ANXA11: variants seen among roughly 807,000 people sequenced by gnomAD.
ANXA11 encodes 56 kDa autoantigen.
ANXA11 carries 57 observed loss-of-function variants against 64.7 expected under a neutral mutation model. The observed-to-expected ratio is 0.88, with a 90% confidence interval of 0.71 to 1.10. ANXA11 has a LOEUF of 1.10. ANXA11 is among the 50% of genes least tolerant of loss of function. The pLI is 0.00. For missense variants in ANXA11, 675 were observed against 670.7 expected (o/e 1.01, Z -0.07); for synonymous variants, 260 against 265.2 (o/e 0.98, Z 0.19).
intron 9 of ANXA11, 53 bp downstream of exon 9, chr10:80,164,000 A>G: frequency 4.0e-6 from 6 of 1,486,434 alleles, no homozygotes; most frequent in Non-Finnish European, 5.6e-6. Flanking sequence ...CAGCCCCAAG[A>G]GCACAGGGAT....
In ANXA11 at chr10:80,167,347, T is replaced by C. The variant is rs772856654; in HGVS notation, c.562-34A>G. 5 of 1,595,570 alleles carry C rather than the reference T, an allele frequency of 3.1e-6. No individual in the cohort carries two copies. The South Asian group carries it at 3.3e-5, about 11-fold the overall frequency. On this transcript the variant is annotated intron_variant, in intron 5 of 15. Transcript: ENST00000422982. ...ACAAACAGTCTCAGGTAAGATGTCG[T>C]GCATGCCGCCTTCCCCACATTCAAG... is the stretch of plus-strand genomic sequence containing the variant.
At chr10:80,156,180 T>C (rs1487737588) in intron 15 of ANXA11, among the ~76,000 whole-genome samples, 3 of 152,208 alleles carry the variant, frequency 2.0e-5, no homozygotes, top group Non-Finnish European at 2.9e-5. Flanking sequence ...ATAATCATCC[T>C]AAAAACCACT....
At position 80,166,874 on chromosome 10, in the gene ANXA11, C is replaced by G. The variant is rs1456244946; in HGVS notation, c.744+16G>C. Reference sequence around the variant, plus strand: ...GGACACGCCTCACTGTCCCGCGCCCCCACCCCGCAGCTCGCCTTGCCGTAA... The same window carrying G: ...GGACACGCCTCACTGTCCCGCGCCCGCACCCCGCAGCTCGCCTTGCCGTAA... On this transcript the variant is annotated intron_variant, in intron 7 of 15. Coordinates refer to ENST00000422982, the MANE Select transcript of ANXA11 (RefSeq NM_145868.2). 5 of 1,592,380 alleles carry G rather than the reference C, an allele frequency of 3.1e-6. No homozygotes were observed. In the African/African-American group the frequency reaches 6.7e-5, roughly 21 times the overall value.
At chr10:80,171,408 C>T in intron 3 of ANXA11, 1 of 383,294 alleles carries the variant, frequency 2.6e-6, no homozygotes, top group Non-Finnish European at 3.7e-6. Flanking sequence ...GCTGGAGGGA[C>T]ATGGGGCTGG....
intron 4 of ANXA11, among the ~76,000 whole-genome samples, chr10:80,169,791 C>A (rs1564611466): frequency 6.6e-6 from 1 of 152,176 alleles, no homozygotes; most frequent in Non-Finnish European, 1.5e-5. Context: ...AAACCTAAAT[C>A]CTTAGGATGG....
intron 1 of ANXA11, among the ~76,000 whole-genome samples, chr10:80,197,516 C>G (rs1330336748): frequency 6.6e-6 from 1 of 152,128 alleles, no homozygotes; most frequent in African/African-American, 2.4e-5. Flanking sequence ...CGAACATCAC[C>G]CCCACCTCAG....
Position 80,165,807 on chromosome 10 carries a change from CT to C in ANXA11, c.858+276del, listed in dbSNP as rs145287102. On this transcript the variant is annotated intron_variant, in intron 8 of 15. Coordinates refer to ENST00000422982, the MANE Select transcript of ANXA11 (RefSeq NM_145868.2). The stretch of plus-strand genomic sequence containing the variant: ...CGCAACCTTCAAACCCGAGCTCCCC[CT>C]TTTCTTTAAGATGGAGAGAGACTTA... 4.7e-3 allele frequency among the ~76,000 whole-genome samples: 720 copies of C among 152,306 alleles called. 2 individuals carry two copies. Among genetic ancestry groups the C allele is most frequent in the African/African-American group, 0.016 (671 of 41,554 alleles).
intron 5 of ANXA11, among the ~76,000 whole-genome samples, chr10:80,168,020 C>T (rs1039481142): frequency 6.6e-6 from 1 of 151,946 alleles, no homozygotes; most frequent in South Asian, 2.1e-4. Context: ...GGTGGGGGAA[C>T]GTGTGGGTAT....
intron 1 of ANXA11, among the ~76,000 whole-genome samples, chr10:80,197,271 C>T (rs1376538164): frequency 6.6e-6 from 1 of 152,190 alleles, no homozygotes; most frequent in East Asian, 1.9e-4. Flanking sequence ...CCTTCTCAGG[C>T]TGGAGAATGG....
chr10:80,189,582 A>G (rs1336318585), intron 1 of ANXA11, among the ~76,000 whole-genome samples: 1 of 152,246 alleles, frequency 6.6e-6, no homozygotes, highest in Non-Finnish European at 1.5e-5. Context: ...AATGTTTCAG[A>G]CATTGTGGTC....
At position 80,166,956 on chromosome 10, in the gene ANXA11, GCAGT is replaced by G. The variant is rs749919884; in HGVS notation, c.674_677del (p.Asp225AlafsTer25). The G allele has an allele frequency of 6.2e-7, 1 of 1,607,160 alleles. No individual in the cohort carries two copies. The highest frequency in any genetic ancestry group is 1.1e-5 in the South Asian group (1 of 89,828). The stretch of plus-strand genomic sequence containing the variant: ...GCTGCTTGTTGGAGCGACTCCCCAG[GCAGT>G]CAATGATGGCCTGCTCATCCGTCCC... On this transcript the variant is annotated frameshift_variant, in exon 7 of 16. Transcript: ENST00000422982. LOFTEE classifies it high-confidence loss of function.
At chr10:80,158,371 G>A (rs1247520759) in intron 13 of ANXA11, among the ~76,000 whole-genome samples, 1 of 152,134 alleles carries the variant, frequency 6.6e-6, no homozygotes, top group Non-Finnish European at 1.5e-5. Flanking sequence ...AGGCAGGAGG[G>A]GCAGACTGGA....
At chr10:80,194,400 A>G (rs1846899128) in intron 1 of ANXA11, among the ~76,000 whole-genome samples, 1 of 152,104 alleles carries the variant, frequency 6.6e-6, no homozygotes, top group South Asian at 2.1e-4. Flanking sequence ...CCCCTAGGAT[A>G]GGGAAGAAAA....
intron 12 of ANXA11, among the ~76,000 whole-genome samples, chr10:80,160,371 G>A (rs759166921): frequency 2.0e-5 from 3 of 152,206 alleles, no homozygotes; most frequent in African/African-American, 4.8e-5. Flanking sequence ...CAGCTCAGCT[G>A]TTACTAGCTG....
chr10:80,171,155 C>G, intron 3 of ANXA11: 1 of 1,417,596 alleles, frequency 7.1e-7, no homozygotes, highest in Non-Finnish European at 9.2e-7. Flanking sequence ...CAAACACTCC[C>G]AAGACCCTCT....
At chr10:80,166,769 C>T in intron 7 of ANXA11, 121 bp downstream of exon 7, 1 of 774,290 alleles carries the variant, frequency 1.3e-6, no homozygotes, top group African/African-American at 1.7e-5. Flanking sequence ...AGGAAATGCC[C>T]TCCTGCTCCT....
chr10:80,160,193 T>G (rs534061244), intron 12 of ANXA11, among the ~76,000 whole-genome samples: 1 of 152,274 alleles, frequency 6.6e-6, no homozygotes, highest in African/African-American at 2.4e-5. Context: ...TCTTTTCTCC[T>G]AAGTAATAAT....
intron 1 of ANXA11, among the ~76,000 whole-genome samples, chr10:80,190,764 C>T (rs1160886486): frequency 6.8e-6 from 1 of 146,382 alleles, no homozygotes; most frequent in Non-Finnish European, 1.5e-5. Context: ...GGGTTACAGG[C>T]GTGAGCCACC....
At chr10:80,182,205 C>T (rs1255040091) in intron 1 of ANXA11, among the ~76,000 whole-genome samples, 18 of 144,700 alleles carry the variant, frequency 1.2e-4, no homozygotes, top group South Asian at 6.6e-4. Context: ...GTGCTAATGG[C>T]GGGGGGTGCA....
Sources: gnomAD v4.1 joint callset for allele counts (sites outside exome capture counted in the v4.1 genomes callset) on GRCh38, gnomAD v4.1.1 for gene constraint, MANE v1.5 for transcripts, NCBI Gene and HGNC (gene_info 2026-07-23, HGNC 2026-07-21) for gene names.